The following DOK6 variants were observed in gnomAD, a reference collection of about 807,000 sequenced individuals.
The protein encoded by DOK6 is downstream of tyrosine kinase 6.
A neutral mutation model predicts 44.0 loss-of-function variants in DOK6; 22 were observed. That is an observed-to-expected ratio of 0.50 (90% CI 0.36 to 0.71). DOK6 has a LOEUF of 0.71. Among genes scored for constraint, DOK6 ranks in the 30% least tolerant of loss-of-function variants. The probability of loss-of-function intolerance (pLI) is 0.00; values close to 1 mark genes in which losing one functional copy is unlikely to be tolerated. For missense variants in DOK6, 340 were observed against 416.4 expected, an observed-to-expected ratio of 0.82 and a Z score of 1.60; for synonymous variants, 166 against 145.5, an observed-to-expected ratio of 1.14 and a Z score of -1.01.
intron 1 of DOK6, among the ~76,000 whole-genome samples, chr18:69,427,200 C>T (rs376763987): frequency 6.6e-6 from 1 of 152,264 alleles, no homozygotes; most frequent in Admixed American, 6.5e-5. Flanking sequence ...CTCCCTCTCT[C>T]TCTCTCTTTA....
chr18:69,675,262 C>T (rs1247742344), intron 3 of DOK6, among the ~76,000 whole-genome samples: 2 of 152,064 alleles, frequency 1.3e-5, no homozygotes, highest in African/African-American at 4.8e-5. Flanking sequence ...AACCCTGGGA[C>T]AAAAGACTTA....
chr18:69,677,625 G>T, intron 3 of DOK6, 109 bp from the exon 4 acceptor site: 2 of 1,553,752 alleles, frequency 1.3e-6, no homozygotes, highest in Non-Finnish European at 1.7e-6. Flanking sequence ...TTTTTTAAAG[G>T]CAGGTTCTTA....
intron 1 of DOK6, among the ~76,000 whole-genome samples, chr18:69,481,940 T>C (rs914500752): frequency 2.0e-5 from 3 of 152,204 alleles, no homozygotes; most frequent in African/African-American, 7.2e-5. Flanking sequence ...TGGTATCTCA[T>C]TGTGGTTTTG....
At chr18:69,595,625 T>G (rs1431418613) in intron 2 of DOK6, among the ~76,000 whole-genome samples, 2 of 152,196 alleles carry the variant, frequency 1.3e-5, no homozygotes, top group East Asian at 3.8e-4. Flanking sequence ...TTGCTTCAAT[T>G]TTAGCAGAAT....
chr18:69,522,828 C>G (rs1040133929), intron 1 of DOK6, among the ~76,000 whole-genome samples: 3 of 152,030 alleles, frequency 2.0e-5, no homozygotes, highest in African/African-American at 7.2e-5. Context: ...CAAAACCCAA[C>G]AAATTATCGT....
chr18:69,450,032 C>T (rs955876153), intron 1 of DOK6, among the ~76,000 whole-genome samples: 2 of 128,886 alleles, frequency 1.6e-5, no homozygotes, highest in African/African-American at 6.0e-5. Context: ...CGCAGTTCCT[C>T]ACCAGCAACG....
At chr18:69,468,174 C>T (rs1483113111) in intron 1 of DOK6, among the ~76,000 whole-genome samples, 1 of 152,004 alleles carries the variant, frequency 6.6e-6, no homozygotes, top group African/African-American at 2.4e-5. Context: ...TTTGATATTT[C>T]TCATTATAAT....
chr18:69,599,535 T>C, intron 3 of DOK6, 37 bp downstream of exon 3: 1 of 1,562,084 alleles, frequency 6.4e-7, no homozygotes. Flanking sequence ...TTGAGGAAAT[T>C]GAGCTGCTTG....
intron 1 of DOK6, among the ~76,000 whole-genome samples, chr18:69,503,915 A>G (rs1981114209): frequency 2.0e-5 from 3 of 152,058 alleles, no homozygotes; most frequent in Non-Finnish European, 4.4e-5. Flanking sequence ...CATTGTTTCA[A>G]AAAAGGAGTA....
intron 7 of DOK6, among the ~76,000 whole-genome samples, chr18:69,775,223 T>C (rs2144769844): frequency 6.6e-6 from 1 of 152,140 alleles, no homozygotes; most frequent in Admixed American, 6.6e-5. Flanking sequence ...ATGCTGAGTT[T>C]ACCAAACAAA....
chr18:69,728,564 T>C (rs1172024282), intron 5 of DOK6, among the ~76,000 whole-genome samples: 1 of 152,128 alleles, frequency 6.6e-6, no homozygotes, highest in Non-Finnish European at 1.5e-5. Context: ...TCAAAGTCCT[T>C]GGTAGATTAG....
At chr18:69,829,156 A>G (rs1981832618) in intron 7 of DOK6, among the ~76,000 whole-genome samples, 1 of 151,144 alleles carries the variant, frequency 6.6e-6, no homozygotes, top group South Asian at 2.1e-4. Flanking sequence ...GGTGGAAAAG[A>G]GGGAGAGAAA....
intron 7 of DOK6, among the ~76,000 whole-genome samples, chr18:69,769,629 A>G (rs999448799): frequency 2.0e-5 from 3 of 152,176 alleles, no homozygotes; most frequent in African/African-American, 7.2e-5. Context: ...CAAATTATAG[A>G]GCATAATCAG....
At chr18:69,820,345 G>A (rs1023207734) in intron 7 of DOK6, among the ~76,000 whole-genome samples, 4 of 152,104 alleles carry the variant, frequency 2.6e-5, no homozygotes, top group Non-Finnish European at 5.9e-5. Context: ...CTCAATCTCT[G>A]TAAAATAGCA....
intron 3 of DOK6, among the ~76,000 whole-genome samples, chr18:69,667,174 C>T (rs1985681802): frequency 6.6e-6 from 1 of 152,092 alleles, no homozygotes; most frequent in Non-Finnish European, 1.5e-5. Flanking sequence ...ATGGTCTTTC[C>T]AACTCCTTCT....
chr18:69,458,156 G>T (rs1181655925), intron 1 of DOK6, among the ~76,000 whole-genome samples: 1 of 152,180 alleles, frequency 6.6e-6, no homozygotes, highest in Non-Finnish European at 1.5e-5. Flanking sequence ...AAACCTCCGT[G>T]TTACAAAAAC....
At chr18:69,615,082 C>T (rs1984253851) in intron 3 of DOK6, among the ~76,000 whole-genome samples, 1 of 151,968 alleles carries the variant, frequency 6.6e-6, no homozygotes, top group African/African-American at 2.4e-5. Flanking sequence ...TAGATTTTAT[C>T]GATGTTAGAT....
chr18:69,410,464 T>A (rs1390730380), intron 1 of DOK6, among the ~76,000 whole-genome samples: 1 of 152,258 alleles, frequency 6.6e-6, no homozygotes, highest in South Asian at 2.1e-4. Context: ...CGAATTACAC[T>A]GTTGTTAGTG....
chr18:69,741,136 T>C (rs889832002), intron 6 of DOK6, among the ~76,000 whole-genome samples: 2 of 152,062 alleles, frequency 1.3e-5, no homozygotes, highest in Non-Finnish European at 2.9e-5. Flanking sequence ...GAGACAGAGA[T>C]AGAAGGGAGA....
Sources: gnomAD v4.1 joint callset for allele counts (sites outside exome capture counted in the v4.1 genomes callset) on GRCh38, gnomAD v4.1.1 for gene constraint, MANE v1.5 for transcripts, NCBI Gene and HGNC (gene_info 2026-07-23, HGNC 2026-07-21) for gene names.